NOVA2: variants seen among roughly 807,000 people sequenced by gnomAD.
NOVA2 encodes the protein NOVA alternative splicing regulator 2, also known as RNA-binding protein Nova-2.
Under a neutral mutation model 22.5 loss-of-function variants are expected in NOVA2, and 9 were observed. That is an observed-to-expected ratio of 0.40 (90% CI 0.24 to 0.70). The LOEUF is 0.70. NOVA2 is among the 30% of genes least tolerant of loss of function. The pLI is 0.38. For synonymous variants in NOVA2, 318 were observed against 335.2 expected, an observed-to-expected ratio of 0.95 and a Z score of 0.56; for missense variants, 383 against 682.8, an observed-to-expected ratio of 0.56 and a Z score of 4.89.
intron 1 of NOVA2, among the ~76,000 whole-genome samples, chr19:45,964,356 G>T (rs1332795532): frequency 1.0e-4 from 4 of 39,762 alleles, no homozygotes; most frequent in Non-Finnish European, 1.9e-4. Context: ...ATTTGTGTGT[G>T]TGTGTGTGTG....
At chr19:45,953,408 C>T (rs1967956012) in intron 3 of NOVA2, among the ~76,000 whole-genome samples, 3 of 152,252 alleles carry the variant, frequency 2.0e-5, no homozygotes, top group South Asian at 4.1e-4. Flanking sequence ...TGAACTGTCA[C>T]TGAGGTCACT....
At chr19:45,950,687 T>C (rs1967911309) in intron 3 of NOVA2, among the ~76,000 whole-genome samples, 1 of 152,168 alleles carries the variant, frequency 6.6e-6, no homozygotes, top group Non-Finnish European at 1.5e-5. Context: ...GCCATAGAAC[T>C]GTTGAAGTTT....
At position 45,973,719 on chromosome 19, in the gene NOVA2, C is replaced by T. The variant is rs572081773; in HGVS notation, c.-368G>A. 1.7e-4 allele frequency among the ~76,000 whole-genome samples: 25 copies of T among 145,190 alleles called. No homozygotes were observed. Among genetic ancestry groups the T allele is most frequent in the African/African-American group, 6.4e-4 (25 of 38,870 alleles). ...TGGAGAGCGGCCGTGAGCAGGATGG[C>T]AGGGCCGAGGGGGGTCTCCGATAGG... is the stretch of plus-strand genomic sequence containing the variant. On this transcript the variant is annotated 5_prime_UTR_variant, in exon 1 of 4. Coordinates refer to ENST00000263257, the MANE Select transcript of NOVA2 (RefSeq NM_002516.4).
rs2146402013 is a variant in NOVA2, at chr19:45,935,712, CA to C, written c.*4150del. 1 of 152,472 alleles carries C rather than the reference CA, an allele frequency of 6.6e-6. No homozygotes were observed. The highest frequency in any genetic ancestry group is 2.1e-4 in the South Asian group (1 of 4,830). The allele number at this position is 152,472 out of a possible 1,614,324, so 9.4% of individuals were successfully genotyped here. A position where few individuals can be genotyped will look rare whatever the true frequency, so the allele number is the denominator to read the frequency against. On this transcript the variant is annotated 3_prime_UTR_variant, in exon 4 of 4. Coordinates refer to ENST00000263257, the MANE Select transcript of NOVA2 (RefSeq NM_002516.4). ...GGTCCTGAAACAGCAATCATCCATT[CA>C]GGGGGACTCCTCTCATTTTCCAAAC...
At position 45,971,597 on chromosome 19, in the gene NOVA2, GA is replaced by G. The variant is rs1968232935; in HGVS notation, c.85+1669del. ...TGGAGGTGGGGGAGGGCTAGGATGG[GA>G]GGAAGAAAGTCGGCTTGTATTCATC... On this transcript the variant is annotated intron_variant, in intron 1 of 3. Coordinates refer to ENST00000263257, the MANE Select transcript of NOVA2 (RefSeq NM_002516.4). Among the ~76,000 whole-genome samples the G allele has an allele frequency of 2.0e-5, 3 of 152,132 alleles. No individual in the cohort carries two copies. In the South Asian group the frequency reaches 6.2e-4, roughly 31 times the overall value.
rs754177721 is a variant in NOVA2 at position 45,973,392 on chromosome 19, TGCGGCGGCGGCG to T, written c.-53_-42del. On this transcript the variant is annotated 5_prime_UTR_variant, in exon 1 of 4. Coordinates refer to ENST00000263257, the MANE Select transcript of NOVA2 (RefSeq NM_002516.4). Reference sequence around the variant, plus strand: ...CGGCGGCTGCTGCTGCTGCGGCGGCTGCGGCGGCGGCGGCGGCGGCTGCTGTGGCGGCGGCGA... The same window carrying T: ...CGGCGGCTGCTGCTGCTGCGGCGGCTGCGGCGGCTGCTGTGGCGGCGGCGA... The T allele has an allele frequency of 7.1e-6, 4 of 562,080 alleles. No homozygotes were observed. The highest frequency in any genetic ancestry group is 5.6e-5 in the Admixed American group (1 of 17,908). 34.8% of individuals were successfully genotyped at this position (562,080 alleles called of 1,614,324 possible). A position where few individuals can be genotyped will look rare whatever the true frequency, so the allele number is the denominator to read the frequency against.
chr19:45,970,172 A>G (rs1968215510), intron 1 of NOVA2, among the ~76,000 whole-genome samples: 1 of 152,136 alleles, frequency 6.6e-6, no homozygotes, highest in South Asian at 2.1e-4. Context: ...ACATGATAGA[A>G]TTGTTGTAAG....
chr19:45,954,015 C>T, intron 2 of NOVA2, 69 bp from the exon 3 acceptor site: 1 of 1,539,514 alleles, frequency 6.5e-7, no homozygotes, highest in East Asian at 2.3e-5. Context: ...GAGACAGGCC[C>T]CATTTAATGG....
intron 2 of NOVA2, among the ~76,000 whole-genome samples, chr19:45,955,424 T>C (rs1373719096): frequency 1.3e-5 from 2 of 152,122 alleles, no homozygotes; most frequent in African/African-American, 4.8e-5. Context: ...TGTCTGAACA[T>C]GTGAATTACA....
intron 3 of NOVA2, among the ~76,000 whole-genome samples, chr19:45,950,784 A>G (rs535945715): frequency 1.3e-5 from 2 of 152,332 alleles, no homozygotes; most frequent in East Asian, 1.9e-4. Context: ...ACCACCAACA[A>G]TAACAACAAA....
chr19:45,935,945 A>G lies in NOVA2; in HGVS notation c.*3918T>C, dbSNP rs1600591131. 1 of 152,216 alleles carries G rather than the reference A, an allele frequency of 6.6e-6. No individual in the cohort carries two copies. The highest frequency in any genetic ancestry group is 1.5e-5 in the Non-Finnish European group (1 of 68,042). The allele number at this position is 152,216 out of a possible 1,614,324, so 9.4% of individuals were successfully genotyped here. On this transcript the variant is annotated 3_prime_UTR_variant, in exon 4 of 4. Coordinates refer to ENST00000263257, the MANE Select transcript of NOVA2 (RefSeq NM_002516.4). ...TTATCAACATCCACTTGGGATACCCATAATTCCCAACTACAAGTCCAGGGT... is the reference window on the plus strand; with the variant it reads ...TTATCAACATCCACTTGGGATACCCGTAATTCCCAACTACAAGTCCAGGGT...
At chr19:45,947,219 C>T (rs937627183) in intron 3 of NOVA2, among the ~76,000 whole-genome samples, 27 of 152,148 alleles carry the variant, frequency 1.8e-4, no homozygotes, top group Admixed American at 4.6e-4. Flanking sequence ...GGGTTCTCAG[C>T]GCCTAGAAAA....
Position 45,973,700 on chromosome 19 carries a change from G to A in NOVA2, c.-349C>T, listed in dbSNP as rs1306219349. ...TCGGGGGGCTGACAGAGCCTGGAGAGCGGCCGTGAGCAGGATGGCAGGGCC... is the reference window on the plus strand; with the variant it reads ...TCGGGGGGCTGACAGAGCCTGGAGAACGGCCGTGAGCAGGATGGCAGGGCC... On this transcript the variant is annotated 5_prime_UTR_variant, in exon 1 of 4. Coordinates refer to ENST00000263257, the MANE Select transcript of NOVA2 (RefSeq NM_002516.4). Among the ~76,000 whole-genome samples, 2 of 148,414 alleles carry A rather than the reference G, an allele frequency of 1.3e-5. No individual in the cohort carries two copies. Among genetic ancestry groups the A allele is most frequent in the African/African-American group, 5.0e-5 (2 of 40,198 alleles).
chr19:45,966,607 G>A (rs1490261814), intron 1 of NOVA2, among the ~76,000 whole-genome samples: 1 of 152,142 alleles, frequency 6.6e-6, no homozygotes, highest in Non-Finnish European at 1.5e-5. Flanking sequence ...GCCGGGTGTG[G>A]TGGCTCACAC....
At chr19:45,965,558 C>T (rs981087487) in intron 1 of NOVA2, among the ~76,000 whole-genome samples, 4 of 152,106 alleles carry the variant, frequency 2.6e-5, no homozygotes, top group African/African-American at 7.2e-5. Context: ...GTGAAACTCC[C>T]GTCTCCACTA....
At chr19:45,948,628 A>C (rs1274002458) in intron 3 of NOVA2, among the ~76,000 whole-genome samples, 1 of 151,682 alleles carries the variant, frequency 6.6e-6, no homozygotes, top group Non-Finnish European at 1.5e-5. Context: ...AAAAAAGAAA[A>C]GAAAAGAAAA....
At chr19:45,958,165 G>A (rs1199052365) in intron 2 of NOVA2, among the ~76,000 whole-genome samples, 4 of 151,822 alleles carry the variant, frequency 2.6e-5, no homozygotes, top group Admixed American at 2.6e-4. Flanking sequence ...GCTGACGCAA[G>A]GGAGTCTGTG....
At chr19:45,948,426 C>T (rs1432714872) in intron 3 of NOVA2, among the ~76,000 whole-genome samples, 3 of 151,746 alleles carry the variant, frequency 2.0e-5, no homozygotes, top group Admixed American at 1.3e-4. Context: ...GGTGAAACCC[C>T]GTCTCTACTA....
chr19:45,950,946 T>C (rs889207690), intron 3 of NOVA2, among the ~76,000 whole-genome samples: 2 of 152,300 alleles, frequency 1.3e-5, no homozygotes, highest in Middle Eastern at 3.4e-3. Flanking sequence ...TAATGAGCAG[T>C]AGAGTCAGGA....
Sources: gnomAD v4.1 joint callset for allele counts (sites outside exome capture counted in the v4.1 genomes callset) on GRCh38, gnomAD v4.1.1 for gene constraint, MANE v1.5 for transcripts, NCBI Gene and HGNC (gene_info 2026-07-23, HGNC 2026-07-21) for gene names.